Variants in HBP1 observed in about 807,000 individuals in gnomAD.
The protein encoded by HBP1 is HMG-box transcription factor 1, also known as HMG box-containing protein 1.
Under a neutral mutation model 62.6 loss-of-function variants are expected in HBP1, and 20 were observed. That is an observed-to-expected ratio of 0.32 (90% confidence interval 0.22 to 0.46). The LOEUF is 0.46. Among genes scored for constraint, HBP1 ranks in the 20% least tolerant of loss-of-function variants. HBP1 has a pLI of 1.00. For synonymous variants in HBP1, 232 were observed against 206.2 expected (o/e 1.12, Z -1.07); for missense variants, 480 against 611.8 (o/e 0.78, Z 2.27).
At chr7:107,188,179 A>C (rs964770495) in intron 6 of HBP1, among the ~76,000 whole-genome samples, 1 of 152,208 alleles carries the variant, frequency 6.6e-6, no homozygotes, top group Admixed American at 6.5e-5. Context: ...CTATGTCTAT[A>C]GCCTTCACCT....
chr7:107,182,094 C>T (rs929480315), intron 2 of HBP1, among the ~76,000 whole-genome samples: 2 of 152,028 alleles, frequency 1.3e-5, no homozygotes, highest in Non-Finnish European at 2.9e-5. Flanking sequence ...ATATTGCACA[C>T]ATAAAATGCC....
At chr7:107,187,634 T>G (rs1797458526) in intron 6 of HBP1, among the ~76,000 whole-genome samples, 2 of 146,994 alleles carry the variant, frequency 1.4e-5, no homozygotes, top group Non-Finnish European at 3.1e-5. Context: ...CCCCTTGCTT[T>G]ACTCTTCACT....
intron 3 of HBP1, among the ~76,000 whole-genome samples, chr7:107,184,188 G>A (rs139043488): frequency 1.6e-3 from 241 of 152,264 alleles, no homozygotes; most frequent in African/African-American, 5.5e-3. Context: ...ATGAACAAAA[G>A]GAATATTTAG....
At chr7:107,191,866 G>C (rs1651077745) in intron 8 of HBP1, among the ~76,000 whole-genome samples, 1 of 152,142 alleles carries the variant, frequency 6.6e-6, no homozygotes, top group Non-Finnish European at 1.5e-5. Context: ...CAGGTTTGAT[G>C]ATTTGCTCAG....
chr7:107,196,223 TTAAG>T (rs1797891561), intron 9 of HBP1, 72 bp downstream of exon 9: 1 of 880,628 alleles, frequency 1.1e-6, no homozygotes. Flanking sequence ...ACTGGAATAG[TTAAG>T]TAAACTTATT....
At chr7:107,194,550 A>G (rs867914152) in intron 8 of HBP1, among the ~76,000 whole-genome samples, 2 of 152,234 alleles carry the variant, frequency 1.3e-5, no homozygotes, top group East Asian at 1.9e-4. Context: ...TGTGTGCTTG[A>G]TAAGTGGTAG....
chr7:107,197,514 A>G (rs1401660584), intron 9 of HBP1, among the ~76,000 whole-genome samples: 2 of 152,078 alleles, frequency 1.3e-5, no homozygotes, highest in Non-Finnish European at 2.9e-5. Context: ...GATTACGGGC[A>G]TGCGCCACTA....
Position 107,171,073 on chromosome 7 carries a change from A to ATATATATTTTTTTTTTTTTT in HBP1, c.-16+1889_-16+1890insATATATTTTTTTTTTTTTTT. 2.3e-5 allele frequency among the ~76,000 whole-genome samples: 2 copies of ATATATATTTTTTTTTTTTTT among 87,200 alleles called. 1 individual carries two copies. The highest frequency in any genetic ancestry group is 1.3e-4 in the African/African-American group (2 of 15,124). The allele number at this position is 87,200 out of a possible 152,430, so 57.2% of individuals were successfully genotyped here. ...TATATATATATATATATATATATATATTTTTTTTTTTTTTTGAGAGGGAGT... is the reference window on the plus strand; with the variant it reads ...TATATATATATATATATATATATATATATATATTTTTTTTTTTTTTTTTTTTTTTTTTTTTGAGAGGGAGT... On this transcript the variant is annotated intron_variant, in intron 1 of 10. Transcript: ENST00000222574.
At chr7:107,170,370 C>T (rs925746056) in intron 1 of HBP1, among the ~76,000 whole-genome samples, 2 of 152,134 alleles carry the variant, frequency 1.3e-5, no homozygotes, top group Non-Finnish European at 2.9e-5. Context: ...ATTGGAAATA[C>T]TTTTCTGGTC....
In HBP1 at chr7:107,186,685, G is replaced by C. The variant is rs372830627; in HGVS notation, c.765+4G>C. Reference sequence around the variant, plus strand: ...TCTTCAAATGGGCATTCACAAGGTTGATTTAAAATTCTTAAAAAATTTTTC... The same window carrying C: ...TCTTCAAATGGGCATTCACAAGGTTCATTTAAAATTCTTAAAAAATTTTTC... On this transcript the variant is annotated splice_donor_region_variant and intron_variant, in intron 6 of 10. Coordinates refer to ENST00000222574, the MANE Select transcript of HBP1 (RefSeq NM_012257.4). The C allele has an allele frequency of 1.9e-3, 2,951 of 1,547,214 alleles. 4 individuals carry two copies. Among genetic ancestry groups the C allele is most frequent in the Non-Finnish European group, 2.4e-3 (2,755 of 1,132,046 alleles).
chr7:107,179,880 C>G lies in HBP1; in HGVS notation c.-14C>G. 2 of 1,518,268 alleles carry G rather than the reference C, an allele frequency of 1.3e-6. No individual in the cohort carries two copies. Among genetic ancestry groups the G allele is most frequent in the Non-Finnish European group, 9.0e-7 (1 of 1,112,382 alleles). The allele number at this position is 1,518,268 out of a possible 1,614,324, so 94.0% of individuals were successfully genotyped here. ...TCTTAATGTCGTTTTTATTTTAAGT[C>G]AGAGCACCATAACATGGTGTGGGAA... On this transcript the variant is annotated splice_region_variant and 5_prime_UTR_variant, in exon 2 of 11. Coordinates refer to ENST00000222574, the MANE Select transcript of HBP1 (RefSeq NM_012257.4).
intron 2 of HBP1, among the ~76,000 whole-genome samples, chr7:107,181,803 T>G (rs1797118782): frequency 6.6e-6 from 1 of 151,976 alleles, no homozygotes; most frequent in Non-Finnish European, 1.5e-5. Flanking sequence ...CTTATAGTGC[T>G]TGGTGTGTGC....
Position 107,201,396 on chromosome 7 carries a change from T to A in HBP1, c.1528-18T>A. Reference sequence around the variant, plus strand: ...ATTGATTTGTAAACATTCACTGAGTTTAATTTTATTTCCACAGGGCTCACA... The same window carrying A: ...ATTGATTTGTAAACATTCACTGAGTATAATTTTATTTCCACAGGGCTCACA... On this transcript the variant is annotated intron_variant, in intron 10 of 10. Coordinates refer to ENST00000222574, the MANE Select transcript of HBP1 (RefSeq NM_012257.4). The A allele has an allele frequency of 6.5e-7, 1 of 1,537,800 alleles. No individual in the cohort carries two copies.
rs1798309659 is a variant in HBP1, at chr7:107,201,556, T to C, written c.*125T>C. On this transcript the variant is annotated 3_prime_UTR_variant, in exon 11 of 11. Coordinates refer to ENST00000222574, the MANE Select transcript of HBP1 (RefSeq NM_012257.4). ...TGTGACCATAAGATACTGATAGCATTGAGTCTTGAAATGATTTAATAATAT... is the reference window on the plus strand; with the variant it reads ...TGTGACCATAAGATACTGATAGCATCGAGTCTTGAAATGATTTAATAATAT... 1 of 538,246 alleles carries C rather than the reference T, an allele frequency of 1.9e-6. No individual in the cohort carries two copies. The highest frequency in any genetic ancestry group is 3.4e-6 in the Non-Finnish European group (1 of 291,530). 33.3% of individuals were successfully genotyped at this position (538,246 alleles called of 1,614,324 possible). A position where few individuals can be genotyped will look rare whatever the true frequency, so the allele number is the denominator to read the frequency against.
At chr7:107,189,562 A>T in intron 7 of HBP1, 114 bp downstream of exon 7, 1 of 721,870 alleles carries the variant, frequency 1.4e-6, no homozygotes. Flanking sequence ...ACGTCTTTCA[A>T]ACTAAATAAA....
intron 1 of HBP1, among the ~76,000 whole-genome samples, chr7:107,176,314 G>A (rs138384771): frequency 2.6e-5 from 4 of 152,222 alleles, no homozygotes; most frequent in Non-Finnish European, 5.9e-5. Context: ...GTGAACCACT[G>A]ATCTAGCCCC....
chr7:107,189,451 A>G lies in HBP1; in HGVS notation c.922+3A>G. ...CCCTTTCTATGTTAAAAATAAAGGT[A>G]GGGCTTGAATTGCATTTGTAGTAAC... On this transcript the variant is annotated splice_donor_region_variant and intron_variant, in intron 7 of 10. Coordinates refer to ENST00000222574, the MANE Select transcript of HBP1 (RefSeq NM_012257.4). 6.2e-7 allele frequency: 1 copy of G among 1,600,998 alleles called. No individual in the cohort carries two copies.
At chr7:107,170,802 C>T (rs1051644645) in intron 1 of HBP1, among the ~76,000 whole-genome samples, 2 of 151,386 alleles carry the variant, frequency 1.3e-5, no homozygotes. Flanking sequence ...AAAAGGGTAC[C>T]TTCTCCCAGG....
intron 9 of HBP1, among the ~76,000 whole-genome samples, chr7:107,198,205 C>G (rs1190708988): frequency 1.3e-5 from 2 of 151,610 alleles, no homozygotes; most frequent in Non-Finnish European, 2.9e-5. Flanking sequence ...CTTTATTGCT[C>G]AAAAATCTTT....
Sources: allele counts gnomAD v4.1 joint callset (sites outside exome capture counted in the v4.1 genomes callset), GRCh38; gene constraint gnomAD v4.1.1; transcripts MANE v1.5; gene names NCBI Gene and HGNC (gene_info 2026-07-23, HGNC 2026-07-21).